Variants in ZDHHC19 observed in about 807,000 individuals in gnomAD.
ZDHHC19 encodes the protein palmitoyltransferase ZDHHC19.
Under a neutral mutation model 33.9 loss-of-function variants are expected in ZDHHC19, and 30 were observed. The observed-to-expected ratio is 0.88, with a 90% CI of 0.66 to 1.20. The LOEUF (loss-of-function observed/expected upper bound fraction) is 1.20, where lower values mean the gene tolerates loss of function less well. ZDHHC19 is among the 50% of genes most tolerant of loss of function. The pLI is 0.00. For synonymous variants in ZDHHC19, 178 were observed against 167.6 expected (o/e 1.06, Z -0.48); for missense variants, 364 against 401.1 (o/e 0.91, Z 0.79).
chr3:196,201,992 A>T (rs1560133163), intron 5 of ZDHHC19, among the ~76,000 whole-genome samples: 1 of 151,658 alleles, frequency 6.6e-6, no homozygotes, highest in Non-Finnish European at 1.5e-5. Context: ...TGGTTGGTTC[A>T]CTCACTGTTT....
chr3:196,203,251 GAAAA>G lies in ZDHHC19; in HGVS notation c.687+4143_687+4146del, dbSNP rs952559090. Among the ~76,000 whole-genome samples, 1 of 148,040 alleles carries G rather than the reference GAAAA, an allele frequency of 6.8e-6. No individual in the cohort carries two copies. The highest frequency in any genetic ancestry group is 1.5e-5 in the Non-Finnish European group (1 of 66,794). ...CAGAGAAATACTCTGTCTCAAAAAA[GAAAA>G]AAAAAGAAAGAAAGAAGAAAGAAAG... On this transcript the variant is annotated intron_variant, in intron 5 of 7. Transcript: ENST00000296326. The surrounding 1 kb of genome is among the most constrained non-coding windows in gnomAD (Gnocchi z 4.3).
chr3:196,210,146 G>C (rs1422508587), intron 2 of ZDHHC19, among the ~76,000 whole-genome samples: 5 of 151,614 alleles, frequency 3.3e-5, no homozygotes, highest in African/African-American at 1.2e-4. Context: ...AGCGGAGATT[G>C]CGCCACTGCA....
Position 196,211,398 on chromosome 3 carries a change from G to C in ZDHHC19, c.-83C>G, listed in dbSNP as rs938704246. 5 of 1,486,098 alleles carry C rather than the reference G, an allele frequency of 3.4e-6. No homozygotes were observed. Among genetic ancestry groups the C allele is most frequent in the African/African-American group, 1.4e-5 (1 of 71,130 alleles). 92.1% of individuals were successfully genotyped at this position (1,486,098 alleles called of 1,614,324 possible). On this transcript the variant is annotated 5_prime_UTR_variant, in exon 1 of 8. Transcript: ENST00000296326. The stretch of plus-strand genomic sequence containing the variant: ...CCAGCTTCCAGAGCTCCATGGCCAC[G>C]GCAGCCTCAGAGCCGCAGCCCAGGG...
At position 196,203,921 on chromosome 3, in the gene ZDHHC19, T is replaced by TA. The variant is rs1385689330; in HGVS notation, c.687+3476dup. 6.6e-6 allele frequency among the ~76,000 whole-genome samples: 1 copy of TA among 152,118 alleles called. No homozygotes were observed. ...CGCCTGTGTCCTTCCAGCTGTCTGATACCTGCAGCTCCTCCCTCATCAATG... is the reference window on the plus strand; with the variant it reads ...CGCCTGTGTCCTTCCAGCTGTCTGATAACCTGCAGCTCCTCCCTCATCAATG... On this transcript the variant is annotated intron_variant, in intron 5 of 7. Transcript: ENST00000296326. The surrounding 1 kb of genome is among the most constrained non-coding windows in gnomAD (Gnocchi z 4.3).
At chr3:196,207,782 G>A (rs1577328286) in intron 4 of ZDHHC19, among the ~76,000 whole-genome samples, 1 of 28,686 alleles carries the variant, frequency 3.5e-5, no homozygotes, top group Admixed American at 3.3e-4. Flanking sequence ...GCCCCGCCCC[G>A]CCCCCCGGAC....
Position 196,211,211 on chromosome 3 carries a change from C to A in ZDHHC19, c.105G>T (p.Val35=). 1.2e-6 allele frequency: 2 copies of A among 1,614,188 alleles called. No homozygotes were observed. The highest frequency in any genetic ancestry group is 1.7e-6 in the Non-Finnish European group (2 of 1,180,046). The part of the protein sequence containing the change: ...FLPSLFAAFN[V]VLLVFFSGLF... ...GGCCACTGAAAAAGACCAGCAGCAC[C>A]ACATTGAAGGCAGCAAAGAGGCTAG... Residue 35 remains valine (V), a synonymous_variant, in exon 1 of 8, where the codon GTG becomes GTT. Coordinates refer to ENST00000296326, the MANE Select transcript of ZDHHC19 (RefSeq NM_001039617.2).
chr3:196,207,316 A>G lies in ZDHHC19; in HGVS notation c.687+82T>C, dbSNP rs1437680113. On this transcript the variant is annotated intron_variant, in intron 5 of 7. Coordinates refer to ENST00000296326, the MANE Select transcript of ZDHHC19 (RefSeq NM_001039617.2). ...CACCATCGCGGGTGGGGGTCAGGCT[A>G]TCAGGGCCAAGGGCAGTGGAGAAAG... 38 of 1,278,902 alleles carry G rather than the reference A, an allele frequency of 3.0e-5. 1 individual carries two copies. The South Asian group carries it at 4.5e-4, about 15-fold the overall frequency. The allele number at this position is 1,278,902 out of a possible 1,614,324, so 79.2% of individuals were successfully genotyped here.
In ZDHHC19 at chr3:196,199,816, G is replaced by A. The variant is rs901726525; in HGVS notation, c.688-942C>T. Among the ~76,000 whole-genome samples the A allele has an allele frequency of 1.5e-4, 22 of 151,694 alleles. 1 individual carries two copies. The highest frequency in any genetic ancestry group is 4.9e-4 in the African/African-American group (20 of 41,106). On this transcript the variant is annotated intron_variant, in intron 5 of 7. Transcript: ENST00000296326. ...AAAAATTAGCCAGGCGTGGTGGCGG[G>A]TGCCTGTGATCCCAGCTACTCGGGA...
At chr3:196,201,153 A>G (rs920871260) in intron 5 of ZDHHC19, among the ~76,000 whole-genome samples, 4 of 151,094 alleles carry the variant, frequency 2.6e-5, no homozygotes, top group Non-Finnish European at 5.9e-5. Flanking sequence ...GCTCACTGCA[A>G]CCTCCGCCTC....
chr3:196,208,342 T>C (rs1446195368), intron 4 of ZDHHC19, 46 bp downstream of exon 4: 11 of 1,281,932 alleles, frequency 8.6e-6, no homozygotes, highest in Non-Finnish European at 1.2e-5. Flanking sequence ...AGCCCCCTCC[T>C]TGGCTGTCCC....
intron 5 of ZDHHC19, among the ~76,000 whole-genome samples, chr3:196,200,847 G>A (rs998140212): frequency 1.3e-5 from 2 of 151,190 alleles, no homozygotes; most frequent in African/African-American, 4.9e-5. Flanking sequence ...ATGGGGTCTG[G>A]CTATGTTGCC....
intron 5 of ZDHHC19, among the ~76,000 whole-genome samples, chr3:196,201,308 C>T (rs181649548): frequency 0.011 from 1,673 of 151,582 alleles, 63 homozygotes; most frequent in African/African-American, 0.039. Context: ...CCTCATGATC[C>T]GCCCACCTCG....
chr3:196,198,227 A>AC (rs1269664817), intron 7 of ZDHHC19, 49 bp downstream of exon 7: 3 of 1,410,972 alleles, frequency 2.1e-6, no homozygotes, highest in Non-Finnish European at 2.8e-6. Flanking sequence ...ACCTGCAGAC[A>AC]CCCCCCTCCC....
intron 5 of ZDHHC19, among the ~76,000 whole-genome samples, chr3:196,206,254 G>T (rs577461688): frequency 2.2e-4 from 33 of 151,854 alleles, no homozygotes; most frequent in African/African-American, 7.5e-4. Context: ...GTTTCACCTT[G>T]TTGGCCAGGC....
At chr3:196,198,479 G>C in intron 6 of ZDHHC19, 28 bp from the exon 7 acceptor site, 2 of 1,595,034 alleles carry the variant, frequency 1.3e-6, no homozygotes, top group South Asian at 1.1e-5. Flanking sequence ...AGATGCAGGG[G>C]CCACCGTCCT....
At chr3:196,205,295 T>C (rs1271994417) in intron 5 of ZDHHC19, among the ~76,000 whole-genome samples, 1 of 152,170 alleles carries the variant, frequency 6.6e-6, no homozygotes, top group Admixed American at 6.6e-5. Flanking sequence ...TGAACATCCA[T>C]ACAATGCAAT....
Position 196,198,308 on chromosome 3 carries a change from G to A in ZDHHC19, c.917C>T (p.Pro306Leu), listed in dbSNP as rs748602938. 1 of 1,503,018 alleles carries A rather than the reference G, an allele frequency of 6.7e-7. No homozygotes were observed. The highest frequency in any genetic ancestry group is 8.9e-7 in the Non-Finnish European group (1 of 1,126,482). The allele number at this position is 1,503,018 out of a possible 1,614,324, so 93.1% of individuals were successfully genotyped here. A position where few individuals can be genotyped will look rare whatever the true frequency, so the allele number is the denominator to read the frequency against. ...SGSLQSREGT[P>L]GAW ...AGAGCTGCAGCCTCACCACGCCCCG[G>A]GGGTCCCTTCCCTGCTTTGTAGGGA... is the stretch of plus-strand genomic sequence containing the variant. The change falls in exon 7 of 8, where the codon CCC (proline) becomes CTC (leucine). Residue 306 changes from proline to leucine, a missense_variant. Pro to Leu is a moderately conservative substitution (Grantham distance 98). Transcript: ENST00000296326.
intron 5 of ZDHHC19, among the ~76,000 whole-genome samples, chr3:196,199,165 C>A (rs529693014): frequency 1.3e-5 from 2 of 152,212 alleles, no homozygotes; most frequent in African/African-American, 4.8e-5. Context: ...ATCACATGGC[C>A]CAGGAAAATC....
At position 196,198,381 on chromosome 3, in the gene ZDHHC19, G is replaced by T; in HGVS notation, c.844C>A (p.Pro282Thr). The T allele has an allele frequency of 6.5e-7, 1 of 1,535,522 alleles. No individual in the cohort carries two copies. The highest frequency in any genetic ancestry group is 8.8e-7 in the Non-Finnish European group (1 of 1,140,546). ...TTGAGAGCAGAGGGGGACATTGGAG[G>T]GTGCAGATTCGGCATGGATGTCCAG... ...PDWTSMPNLH[P>T]PMSPSALNPP... is the part of the protein sequence containing the mutation. Residue 282 changes from proline (P) to threonine (T), a missense_variant, in exon 7 of 8, where the codon CCT becomes ACT. Pro to Thr is a conservative substitution (Grantham distance 38, BLOSUM62 -1). Coordinates refer to ENST00000296326, the MANE Select transcript of ZDHHC19 (RefSeq NM_001039617.2).
Sources: allele counts gnomAD v4.1 joint callset (sites outside exome capture counted in the v4.1 genomes callset), GRCh38; gene constraint gnomAD v4.1.1; non-coding constraint Gnocchi (gnomAD v3.1); transcripts MANE v1.5; gene names NCBI Gene and HGNC (gene_info 2026-07-23, HGNC 2026-07-21).